The following DCAF6 variants were observed in gnomAD, a reference collection of about 807,000 sequenced individuals.
DCAF6 encodes the protein DDB1 and CUL4 associated factor 6, also known as DDB1- and CUL4-associated factor 6.
In DCAF6, 54 loss-of-function variants were observed where a neutral mutation model predicts 125.1. The observed-to-expected ratio is 0.43, with a 90% CI of 0.35 to 0.54. The LOEUF (loss-of-function observed/expected upper bound fraction) is 0.54, where lower values mean the gene tolerates loss of function less well. DCAF6 is among the 20% of genes least tolerant of loss of function. DCAF6 has a pLI of 0.01. For synonymous variants in DCAF6, 371 were observed against 390.4 expected (o/e 0.95, Z 0.58); for missense variants, 934 against 1,161.7 (o/e 0.80, Z 2.85).
At chr1:167,986,243 GA>G (rs774906003) in intron 4 of DCAF6, among the ~76,000 whole-genome samples, 16 of 152,166 alleles carry the variant, frequency 1.1e-4, no homozygotes, top group Non-Finnish European at 1.9e-4. Flanking sequence ...GGTTATAGGA[GA>G]AGCATATGAT....
chr1:167,998,957 A>G (rs867547390), intron 7 of DCAF6, among the ~76,000 whole-genome samples: 1 of 152,214 alleles, frequency 6.6e-6, no homozygotes, highest in Non-Finnish European at 1.5e-5. Flanking sequence ...TTAATAAGGC[A>G]TCTAGAATGG....
chr1:167,959,555 C>T (rs1675270168), intron 2 of DCAF6, among the ~76,000 whole-genome samples: 1 of 152,184 alleles, frequency 6.6e-6, no homozygotes, highest in Non-Finnish European at 1.5e-5. Context: ...CACATCCTTG[C>T]CAGTATTTGA....
the DCAF6 span, among the ~76,000 whole-genome samples, chr1:167,915,516 T>C: frequency 6.6e-6 from 1 of 152,322 alleles, no homozygotes; most frequent in East Asian, 1.9e-4. Context: ...AATGGCGTGA[T>C]CTCAGCTCAC....
intron 10 of DCAF6, among the ~76,000 whole-genome samples, chr1:168,015,104 A>T (rs2103171470): frequency 6.6e-6 from 1 of 152,348 alleles, no homozygotes; most frequent in South Asian, 2.1e-4. Context: ...AGAGCCTAAA[A>T]CAATGCCTCA....
chr1:168,057,200 G>A (rs2101908376), intron 17 of DCAF6, among the ~76,000 whole-genome samples: 1 of 152,028 alleles, frequency 6.6e-6, no homozygotes, highest in East Asian at 1.9e-4. Flanking sequence ...TTTATGAAAG[G>A]GTTTACCATC....
rs150719044 is a variant in DCAF6 at position 167,941,536 on chromosome 1, A to T, written c.97+4528A>T. ...CGAAAATAAAGGATTCTCTAGGTGT[A>T]TATATAAACCTTACTAGATGGGATG... On this transcript the variant is annotated intron_variant, in intron 1 of 21. Coordinates refer to ENST00000367840, the MANE Select transcript of DCAF6 (RefSeq NM_001198956.2). 6.0e-3 allele frequency among the ~76,000 whole-genome samples: 919 copies of T among 152,306 alleles called. 3 individuals carry two copies. The highest frequency in any genetic ancestry group is 9.4e-3 in the Non-Finnish European group (640 of 68,022).
chr1:168,022,854 T>A, intron 11 of DCAF6, 134 bp from the exon 12 acceptor site: 1 of 768,926 alleles, frequency 1.3e-6, no homozygotes, highest in Non-Finnish European at 2.2e-6. Context: ...ACTCACTGCT[T>A]GGGAATCACA....
At chr1:167,920,485 T>G in the DCAF6 span, 3 of 1,545,716 alleles carry the variant, frequency 1.9e-6, no homozygotes, top group Non-Finnish European at 2.6e-6. Context: ...TAAACTGATA[T>G]AAAAGAAAAC....
the DCAF6 span, chr1:167,874,992 T>G: frequency 1.2e-6 from 1 of 807,940 alleles, no homozygotes; most frequent in Non-Finnish European, 2.1e-6. Context: ...ATTGCTATTT[T>G]TCTATTTCTT....
In DCAF6 at chr1:167,993,263, C is replaced by A. The variant is rs1476222876; in HGVS notation, c.726C>A (p.Ala242=). ...YAGRGTTGMV[A]RFIPSHLNNK... is the part of the protein sequence containing the mutation. ...GTCGAGGGACTACTGGAATGGTTGCCCGTTTTATTCCTTCCCATCTTAATA... is the reference window on the plus strand; with the variant it reads ...GTCGAGGGACTACTGGAATGGTTGCACGTTTTATTCCTTCCCATCTTAATA... The change falls in exon 7 of 22, where the codon GCC becomes GCA. Residue 242 remains alanine, a synonymous_variant. Coordinates refer to ENST00000367840, the MANE Select transcript of DCAF6 (RefSeq NM_001198956.2). 2 of 1,613,752 alleles carry A rather than the reference C, an allele frequency of 1.2e-6. No individual in the cohort carries two copies. The highest frequency in any genetic ancestry group is 2.7e-5 in the African/African-American group (2 of 74,860).
At chr1:168,041,721 TACTC>T (rs1688557003) in intron 13 of DCAF6, among the ~76,000 whole-genome samples, 1 of 151,972 alleles carries the variant, frequency 6.6e-6, no homozygotes, top group South Asian at 2.1e-4. Flanking sequence ...TCTCTATTCC[TACTC>T]AGTACCATAA....
At chr1:167,961,600 C>T (rs543627696) in intron 2 of DCAF6, among the ~76,000 whole-genome samples, 136 of 152,220 alleles carry the variant, frequency 8.9e-4, no homozygotes, top group African/African-American at 3.2e-3. Flanking sequence ...CTACAAAGAC[C>T]GTTTTATTTC....
the DCAF6 span, among the ~76,000 whole-genome samples, chr1:167,921,930 T>G: frequency 2.0e-5 from 3 of 152,214 alleles, no homozygotes; most frequent in Non-Finnish European, 2.9e-5. Context: ...GATTATCCAC[T>G]TTGACCTTTA....
chr1:167,963,418 TTG>T (rs1675923156), intron 2 of DCAF6, among the ~76,000 whole-genome samples: 2 of 146,264 alleles, frequency 1.4e-5, no homozygotes, highest in Non-Finnish European at 3.0e-5. Flanking sequence ...CTTCTGCCTT[TTG>T]TGTTTTTTTT....
the DCAF6 span, chr1:167,920,682 A>T: frequency 6.5e-7 from 1 of 1,543,932 alleles, no homozygotes; most frequent in African/African-American, 1.4e-5. Context: ...GTGGAGTAAT[A>T]GTTTTAACTT....
chr1:168,041,227 G>A (rs564619890), intron 13 of DCAF6, among the ~76,000 whole-genome samples: 5 of 152,110 alleles, frequency 3.3e-5, no homozygotes, highest in African/African-American at 4.8e-5. Context: ...CTCATCTTTT[G>A]TAAATTGTCT....
intron 2 of DCAF6, among the ~76,000 whole-genome samples, chr1:167,958,639 A>G (rs1675126395): frequency 1.3e-5 from 2 of 152,188 alleles, no homozygotes; most frequent in African/African-American, 4.8e-5. Context: ...ACACAGTGAA[A>G]CTTAATGGCT....
At chr1:168,070,720 G>A (rs548256120) in intron 21 of DCAF6, among the ~76,000 whole-genome samples, 234 of 152,302 alleles carry the variant, frequency 1.5e-3, no homozygotes, top group African/African-American at 5.4e-3. Context: ...GGCCACTTGA[G>A]ATGGAAAGGC....
intron 13 of DCAF6, among the ~76,000 whole-genome samples, chr1:168,040,179 G>T (rs1439927816): frequency 6.6e-6 from 1 of 151,984 alleles, no homozygotes; most frequent in African/African-American, 2.4e-5. Flanking sequence ...TTTATATCTA[G>T]GGGAAGAGCA....
Sources: allele counts gnomAD v4.1 joint callset (sites outside exome capture counted in the v4.1 genomes callset), GRCh38; gene constraint gnomAD v4.1.1; transcripts MANE v1.5; gene names NCBI Gene and HGNC (gene_info 2026-07-23, HGNC 2026-07-21).